The following ZBTB20 variants were observed in gnomAD, a reference collection of about 807,000 sequenced individuals.
ZBTB20 encodes zinc finger and BTB domain-containing protein 20.
ZBTB20 carries 9 observed loss-of-function variants against 56.9 expected under a neutral mutation model. The observed-to-expected ratio is 0.16, with a 90% CI of 0.10 to 0.28. The LOEUF is 0.28. Among genes scored for constraint, ZBTB20 ranks in the 10% least tolerant of loss-of-function variants. ZBTB20 has a pLI of 1.00. For missense variants in ZBTB20, 655 were observed against 1,003.0 expected (o/e 0.65, Z 4.69); for synonymous variants, 417 against 420.7 (o/e 0.99, Z 0.11).
At chr3:115,119,011 CT>C (rs930387625) in intron 1 of ZBTB20, among the ~76,000 whole-genome samples, 33 of 152,080 alleles carry the variant, frequency 2.2e-4, no homozygotes, top group African/African-American at 7.7e-4. Context: ...TAATTTATTT[CT>C]TTGAAAACGA....
In ZBTB20 at chr3:114,612,962, G is replaced by T. The variant is rs568983239; in HGVS notation, c.-295+80566C>A. On this transcript the variant is annotated intron_variant, in intron 6 of 11. Transcript: ENST00000675478. Reference sequence around the variant, plus strand: ...TAAAATATAATAAATATAGAAAAGGGTTTGTGAATAACATAATATGAAGAT... The same window carrying T: ...TAAAATATAATAAATATAGAAAAGGTTTTGTGAATAACATAATATGAAGAT... Among the ~76,000 whole-genome samples the T allele has an allele frequency of 5.3e-5, 8 of 152,274 alleles. No individual in the cohort carries two copies. The East Asian group carries it at 1.5e-3, about 29-fold the overall frequency.
chr3:114,939,853 C>T (rs1391466229), intron 3 of ZBTB20, among the ~76,000 whole-genome samples: 1 of 146,080 alleles, frequency 6.8e-6, no homozygotes, highest in African/African-American at 2.8e-5. Context: ...GGGTGACACA[C>T]CAAGACCCAG....
intron 7 of ZBTB20, among the ~76,000 whole-genome samples, chr3:114,414,319 C>G (rs1400641005): frequency 6.6e-6 from 1 of 151,984 alleles, no homozygotes; most frequent in Non-Finnish European, 1.5e-5. Context: ...TTTGGTGACT[C>G]TAATGTTGAA....
rs545507408 is a variant in ZBTB20 at position 114,618,459 on chromosome 3, T to C, written c.-295+75069A>G. Among the ~76,000 whole-genome samples the C allele has an allele frequency of 5.9e-5, 9 of 151,954 alleles. 1 individual carries two copies. The highest frequency in any genetic ancestry group is 8.8e-5 in the Non-Finnish European group (6 of 67,934). On this transcript the variant is annotated intron_variant, in intron 6 of 11. Transcript: ENST00000675478. ...TTTTAGTAGAGATGAGATCTTGCTA[T>C]GTTACCCAGACTGGTCTCAAACTCC...
At position 114,787,402 on chromosome 3, in the gene ZBTB20, C is replaced by CAT. The variant is rs1236290960; in HGVS notation, c.-343+13697_-343+13698dup. Among the ~76,000 whole-genome samples the CAT allele has an allele frequency of 3.4e-4, 43 of 124,668 alleles. 2 individuals are homozygous for CAT. Among genetic ancestry groups the CAT allele is most frequent in the Admixed American group, 7.1e-4 (9 of 12,698 alleles). 81.8% of individuals were successfully genotyped at this position (124,668 alleles called of 152,430 possible). ...ACACACACACACACACATATATATA[C>CAT]ATATATATACGTGTGTACACATATA... On this transcript the variant is annotated intron_variant, in intron 5 of 11. Transcript: ENST00000675478.
chr3:114,981,751 G>A (rs528977653), intron 2 of ZBTB20, among the ~76,000 whole-genome samples: 19 of 152,122 alleles, frequency 1.2e-4, no homozygotes, highest in Admixed American at 5.3e-4. Context: ...CTTTTACTGA[G>A]CGGCAGAACC....
At chr3:114,672,118 GA>G (rs1251387000) in intron 6 of ZBTB20, among the ~76,000 whole-genome samples, 3 of 151,362 alleles carry the variant, frequency 2.0e-5, no homozygotes, top group Non-Finnish European at 3.0e-5. Context: ...ATTAATTCAA[GA>G]AAAAAAATGA....
At chr3:114,516,712 A>G (rs376938660) in intron 6 of ZBTB20, among the ~76,000 whole-genome samples, 1 of 152,314 alleles carries the variant, frequency 6.6e-6, no homozygotes, top group Non-Finnish European at 1.5e-5. Context: ...AAACTTAAAC[A>G]CAGACATGCA....
At chr3:114,345,199 G>A (rs535015684) in intron 11 of ZBTB20, among the ~76,000 whole-genome samples, 5 of 151,988 alleles carry the variant, frequency 3.3e-5, no homozygotes, top group East Asian at 1.9e-4. Context: ...GGTGGTTTTC[G>A]GTGAATGTGC....
At chr3:114,698,663 A>G (rs1265026574) in intron 5 of ZBTB20, among the ~76,000 whole-genome samples, 1 of 152,168 alleles carries the variant, frequency 6.6e-6, no homozygotes, top group Non-Finnish European at 1.5e-5. Context: ...TTTCTCCCTC[A>G]ATGTGTGTTT....
intron 1 of ZBTB20, among the ~76,000 whole-genome samples, chr3:115,137,175 A>G (rs987676535): frequency 6.6e-6 from 1 of 152,140 alleles, no homozygotes; most frequent in Non-Finnish European, 1.5e-5. Context: ...CATAAGGAAC[A>G]GTAAAGACAC....
chr3:115,035,642 C>A (rs891754178), intron 2 of ZBTB20, among the ~76,000 whole-genome samples: 4 of 152,016 alleles, frequency 2.6e-5, no homozygotes, highest in Non-Finnish European at 2.9e-5. Flanking sequence ...TGAAAAACAG[C>A]ATGGCAGTTT....
At chr3:114,705,242 T>C (rs2063646867) in intron 5 of ZBTB20, among the ~76,000 whole-genome samples, 1 of 152,100 alleles carries the variant, frequency 6.6e-6, no homozygotes, top group South Asian at 2.1e-4. Context: ...ATTTGATCTG[T>C]TTCAGAACAC....
intron 4 of ZBTB20, among the ~76,000 whole-genome samples, chr3:114,855,813 A>G (rs1019750372): frequency 6.6e-6 from 1 of 152,196 alleles, no homozygotes; most frequent in Non-Finnish European, 1.5e-5. Flanking sequence ...CTGTGGGGAT[A>G]TGTGTTTGTG....
intron 10 of ZBTB20, among the ~76,000 whole-genome samples, chr3:114,366,023 C>G (rs1325405556): frequency 6.6e-6 from 1 of 152,120 alleles, no homozygotes; most frequent in Non-Finnish European, 1.5e-5. Context: ...TTCATTCTCC[C>G]CACAACATTC....
intron 4 of ZBTB20, among the ~76,000 whole-genome samples, chr3:114,819,743 A>G (rs79632928): frequency 0.054 from 8,168 of 151,996 alleles, 554 homozygotes; most frequent in African/African-American, 0.16. Flanking sequence ...TTTAAAAAAG[A>G]AGATAAAAGT....
At chr3:115,058,077 G>A (rs1315120495) in intron 2 of ZBTB20, among the ~76,000 whole-genome samples, 1 of 152,060 alleles carries the variant, frequency 6.6e-6, no homozygotes, top group African/African-American at 2.4e-5. Context: ...ATTATCATGA[G>A]AACAGCATGA....
chr3:114,746,834 G>A (rs2067081498), intron 5 of ZBTB20, among the ~76,000 whole-genome samples: 1 of 152,098 alleles, frequency 6.6e-6, no homozygotes, highest in Non-Finnish European at 1.5e-5. Context: ...ATTAGATTGA[G>A]CCATGTGCAG....
chr3:114,355,405 G>A (rs1354327992), intron 10 of ZBTB20, among the ~76,000 whole-genome samples: 1 of 152,162 alleles, frequency 6.6e-6, no homozygotes, highest in South Asian at 2.1e-4. Context: ...ATCTCCCTGA[G>A]TACACTGGCC....
Sources: gnomAD v4.1 joint callset for allele counts (sites outside exome capture counted in the v4.1 genomes callset) on GRCh38, gnomAD v4.1.1 for gene constraint, MANE v1.5 for transcripts, NCBI Gene and HGNC (gene_info 2026-07-23, HGNC 2026-07-21) for gene names.